Variants in PHF11 observed in about 807,000 individuals in gnomAD.
The protein encoded by PHF11 is BRCA1 C-terminus-associated protein.
A neutral mutation model predicts 40.5 loss-of-function variants in PHF11; 38 were observed. The observed-to-expected ratio is 0.94, with a 90% CI of 0.72 to 1.23. PHF11 has a LOEUF of 1.23. PHF11 is among the 50% of genes most tolerant of loss of function. PHF11 has a pLI of 0.00. For missense variants in PHF11, 369 were observed against 392.4 expected (o/e 0.94, Z 0.50); for synonymous variants, 127 against 138.2 (o/e 0.92, Z 0.57).
rs1027719889 is a variant in PHF11 at position 49,520,905 on chromosome 13, A to G, written c.470A>G (p.Gln157Arg). The G allele has an allele frequency of 6.3e-7, 1 of 1,580,218 alleles. No homozygotes were observed. The highest frequency in any genetic ancestry group is 1.3e-5 in the African/African-American group (1 of 74,304). ...ATTAAATATTTCAGACTGCTTTGCC[A>G]GCAACATGCTCAATTCCCGATCATC... Reference protein sequence around the residue: ...GVRGIYKLLCQQHAQFPIIAQ... With the variant: ...GVRGIYKLLCRQHAQFPIIAQ... Residue 157 changes from glutamine (Q) to arginine (R), a missense_variant, in exon 5 of 10, where the codon CAG (glutamine) becomes CGG (arginine). Physicochemically the swap from Gln to Arg is conservative, Grantham distance 43. Transcript: ENST00000378319.
In PHF11 at chr13:49,518,092, T is replaced by A; in HGVS notation, c.399T>A (p.Phe133Leu). The A allele has an allele frequency of 6.2e-7, 1 of 1,605,284 alleles. No homozygotes were observed. The highest frequency in any genetic ancestry group is 8.5e-7 in the Non-Finnish European group (1 of 1,172,650). Residue 133 changes from phenylalanine (F) to leucine (L), a missense_variant, in exon 4 of 10, where the codon TTT (phenylalanine) becomes TTA (leucine). By Grantham distance (22) the Phe-to-Leu change is conservative. Coordinates refer to ENST00000378319, the MANE Select transcript of PHF11 (RefSeq NM_001040443.3). The part of the protein sequence containing the change: ...DLKNCNKNYH[F>L]FCAKKDDAVP... ...AAAACTGTAACAAGAATTACCACTT[T>A]TTCTGTGCCAAGAAGGACGACGCAG...
At chr13:49,503,172 C>T (rs1028988100) in intron 1 of PHF11, among the ~76,000 whole-genome samples, 4 of 152,158 alleles carry the variant, frequency 2.6e-5, no homozygotes, top group Non-Finnish European at 5.9e-5. Context: ...GTCTCAGCTC[C>T]GATCTCTGGG....
Position 49,526,419 on chromosome 13 carries a change from T to C in PHF11, c.802T>C (p.Cys268Arg). Residue 268 changes from cysteine to arginine, a missense_variant, in exon 9 of 10, where the codon TGT (cysteine) becomes CGT (arginine). Physicochemically the swap from Cys to Arg is radical, Grantham distance 180. Transcript: ENST00000378319. ...AGAAATCGGGAGTGCACTTTTTGACTGTAGATTGTTCGAAGACACATTTGT... is the reference window on the plus strand; with the variant it reads ...AGAAATCGGGAGTGCACTTTTTGACCGTAGATTGTTCGAAGACACATTTGT... Reference protein sequence around the residue: ...YEEIGSALFDCRLFEDTFVNF... With the variant: ...YEEIGSALFDRRLFEDTFVNF... 1 of 1,610,552 alleles carries C rather than the reference T, an allele frequency of 6.2e-7. No homozygotes were observed. The highest frequency in any genetic ancestry group is 8.5e-7 in the Non-Finnish European group (1 of 1,176,766).
intron 2 of PHF11, among the ~76,000 whole-genome samples, chr13:49,510,355 G>A (rs1277725333): frequency 6.6e-6 from 1 of 151,986 alleles, no homozygotes; most frequent in Non-Finnish European, 1.5e-5. Flanking sequence ...AAAGATTTTA[G>A]CTCATGGGTT....
At chr13:49,511,944 A>G (rs1170457203) in intron 2 of PHF11, among the ~76,000 whole-genome samples, 2 of 152,216 alleles carry the variant, frequency 1.3e-5, no homozygotes, top group Non-Finnish European at 2.9e-5. Context: ...AAATAGCTAG[A>G]AGTAGAATTA....
intron 1 of PHF11, chr13:49,497,076 G>A: frequency 1.6e-6 from 2 of 1,276,460 alleles, no homozygotes. Context: ...AGCCAAAGGT[G>A]GAAAAGTTGA....
chr13:49,528,442 AG>A, intron 9 of PHF11, 68 bp from the exon 10 acceptor site: 1 of 1,132,540 alleles, frequency 8.8e-7, no homozygotes. Flanking sequence ...GAAAGGGGCT[AG>A]AAATGGTACA....
Position 49,506,656 on chromosome 13 carries a change from A to G in PHF11, c.116A>G (p.Lys39Arg). The change falls in exon 2 of 10, where the codon AAG (lysine) becomes AGG (arginine). Residue 39 changes from lysine to arginine, a missense_variant. By Grantham distance (26) the Lys-to-Arg change is conservative (BLOSUM62 2). Transcript: ENST00000378319. Reference sequence around the variant, plus strand: ...ATAGGTGTCTTTCAGGTTGCAGAAAAGATGGAAAAAAGGACATGTGCACTC... The same window carrying G: ...ATAGGTGTCTTTCAGGTTGCAGAAAGGATGGAAAAAAGGACATGTGCACTC... ...LPTGVFQVAEKMEKRTCALCP... is the reference protein window; with the variant it reads ...LPTGVFQVAERMEKRTCALCP... 6.2e-7 allele frequency: 1 copy of G among 1,613,322 alleles called. No individual in the cohort carries two copies. The highest frequency in any genetic ancestry group is 8.5e-7 in the Non-Finnish European group (1 of 1,179,486).
In PHF11 at chr13:49,528,932, C is replaced by G. The variant is rs1959432698; in HGVS notation, c.*267C>G. Reference sequence around the variant, plus strand: ...TGTTCTTAACCTTTGATTCTACTTACAGCCCATGATAGCCTCTTAGATATA... The same window carrying G: ...TGTTCTTAACCTTTGATTCTACTTAGAGCCCATGATAGCCTCTTAGATATA... On this transcript the variant is annotated 3_prime_UTR_variant, in exon 10 of 10. Coordinates refer to ENST00000378319, the MANE Select transcript of PHF11 (RefSeq NM_001040443.3). The G allele has an allele frequency of 1.2e-5, 4 of 320,814 alleles. No homozygotes were observed. Among genetic ancestry groups the G allele is most frequent in the African/African-American group, 6.4e-5 (3 of 47,024 alleles). The allele number at this position is 320,814 out of a possible 1,614,324, so 19.9% of individuals were successfully genotyped here.
intron 5 of PHF11, 193 bp from the exon 6 acceptor site, chr13:49,521,850 T>C (rs1028466882): frequency 2.8e-6 from 1 of 354,412 alleles, no homozygotes; most frequent in Non-Finnish European, 5.3e-6. Flanking sequence ...ATTATTTACC[T>C]GTTTTGCATT....
intron 4 of PHF11, among the ~76,000 whole-genome samples, chr13:49,520,199 C>T (rs549708592): frequency 2.0e-5 from 3 of 152,274 alleles, no homozygotes; most frequent in Admixed American, 1.3e-4. Context: ...CAGGCACGTG[C>T]CACCATGCCC....
chr13:49,508,314 TATATA>T lies in PHF11; in HGVS notation c.216+1564_216+1568del, dbSNP rs1030103232. Among the ~76,000 whole-genome samples, 448 of 146,330 alleles carry T rather than the reference TATATA, an allele frequency of 3.1e-3. 1 individual carries two copies. The highest frequency in any genetic ancestry group is 5.3e-3 in the Non-Finnish European group (355 of 66,956). On this transcript the variant is annotated intron_variant, in intron 2 of 9. Transcript: ENST00000378319. The stretch of plus-strand genomic sequence containing the variant: ...ATATAAATATAAATAATATGCATTT[TATATA>T]ATATATTACTATATTCATATATTAC...
At chr13:49,497,110 T>A in intron 1 of PHF11, 1 of 1,288,852 alleles carries the variant, frequency 7.8e-7, no homozygotes, top group Non-Finnish European at 1.0e-6. Context: ...GCAGAGAGGA[T>A]GACACAAAGG....
intron 8 of PHF11, 86 bp downstream of exon 8, chr13:49,524,302 G>T: frequency 4.0e-6 from 4 of 996,534 alleles, no homozygotes; most frequent in Admixed American, 2.5e-5. Context: ...AAAAAAAAAA[G>T]GCCCATTTTC....
intron 3 of PHF11, among the ~76,000 whole-genome samples, chr13:49,517,217 T>C (rs1332415617): frequency 1.3e-5 from 2 of 152,216 alleles, no homozygotes; most frequent in Non-Finnish European, 2.9e-5. Context: ...ACTGTTTCTA[T>C]GCTTGCTTGT....
intron 3 of PHF11, among the ~76,000 whole-genome samples, chr13:49,513,652 A>G (rs1959110429): frequency 6.6e-6 from 1 of 152,186 alleles, no homozygotes; most frequent in South Asian, 2.1e-4. Flanking sequence ...TTTTAAAATA[A>G]ACTACCATAT....
intron 5 of PHF11, among the ~76,000 whole-genome samples, chr13:49,521,751 ATT>A (rs1414429416): frequency 6.6e-6 from 1 of 152,114 alleles, no homozygotes; most frequent in African/African-American, 2.4e-5. Flanking sequence ...CACCAATTAT[ATT>A]TGTTTTCCTA....
At chr13:49,516,956 G>A (rs1959163546) in intron 3 of PHF11, among the ~76,000 whole-genome samples, 2 of 151,878 alleles carry the variant, frequency 1.3e-5, no homozygotes, top group South Asian at 2.1e-4. Context: ...TCCATACTAC[G>A]CTTTTTTTCT....
At chr13:49,526,550 T>C in intron 9 of PHF11, 92 bp downstream of exon 9, 1 of 761,592 alleles carries the variant, frequency 1.3e-6, no homozygotes, top group Non-Finnish European at 2.3e-6. Flanking sequence ...ATAAAAATAT[T>C]TTAGAAGAAT....
Sources: allele counts gnomAD v4.1 joint callset (sites outside exome capture counted in the v4.1 genomes callset), GRCh38; gene constraint gnomAD v4.1.1; transcripts MANE v1.5; gene names NCBI Gene and HGNC (gene_info 2026-07-23, HGNC 2026-07-21).